TDRP: variants seen among roughly 807,000 people sequenced by gnomAD.
The protein encoded by TDRP is testis development-related protein.
Under a neutral mutation model 10.5 loss-of-function variants are expected in TDRP, and 12 were observed. The observed-to-expected ratio is 1.15, with a 90% CI of 0.73 to 1.86. The LOEUF (loss-of-function observed/expected upper bound fraction) is 1.86. Among genes scored for constraint, TDRP ranks in the 40% most tolerant of loss-of-function variants. The pLI is 0.00. For missense variants in TDRP, 353 were observed against 229.2 expected (o/e 1.54, Z -3.49); for synonymous variants, 139 against 95.4 (o/e 1.46, Z -2.67).
At chr8:526,530 T>C (rs1802039849) in intron 1 of TDRP, among the ~76,000 whole-genome samples, 1 of 152,200 alleles carries the variant, frequency 6.6e-6, no homozygotes, top group Non-Finnish European at 1.5e-5. Flanking sequence ...GATTTGCATA[T>C]ACTGAACCAT....
chr8:543,210 G>A (rs563637345), intron 1 of TDRP, among the ~76,000 whole-genome samples: 1 of 152,226 alleles, frequency 6.6e-6, no homozygotes, highest in Admixed American at 6.5e-5. Context: ...TACTACAGAG[G>A]CTGAGAGAGG....
At chr8:501,928 C>A (rs1801314600) in intron 1 of TDRP, among the ~76,000 whole-genome samples, 1 of 152,198 alleles carries the variant, frequency 6.6e-6, no homozygotes, top group Non-Finnish European at 1.5e-5. Flanking sequence ...CCAAAGCCCA[C>A]CCCCAGAACA....
chr8:531,968 C>T (rs754144008), intron 1 of TDRP, among the ~76,000 whole-genome samples: 1 of 152,142 alleles, frequency 6.6e-6, no homozygotes, highest in Non-Finnish European at 1.5e-5. Flanking sequence ...AATAAAATCT[C>T]CTGACTGTGA....
chr8:527,400 T>C (rs112356304), intron 1 of TDRP, among the ~76,000 whole-genome samples: 9 of 150,850 alleles, frequency 6.0e-5, no homozygotes, highest in African/African-American at 2.0e-4. Flanking sequence ...TTCACAGAAA[T>C]GGAAAAAAAA....
At chr8:493,902 A>C (rs1182848949) in intron 2 of TDRP, among the ~76,000 whole-genome samples, 1 of 151,430 alleles carries the variant, frequency 6.6e-6, no homozygotes, top group East Asian at 1.9e-4. Flanking sequence ...CTTTTCCATA[A>C]CCTTTCAAAA....
chr8:543,957 T>G, intron 1 of TDRP, among the ~76,000 whole-genome samples: 1 of 149,306 alleles, frequency 6.7e-6, no homozygotes, highest in African/African-American at 2.5e-5. Flanking sequence ...GGAGGGCACG[T>G]CTAAGGCACA....
At chr8:512,288 C>G (rs2116788124) in intron 1 of TDRP, among the ~76,000 whole-genome samples, 1 of 151,702 alleles carries the variant, frequency 6.6e-6, no homozygotes, top group South Asian at 2.1e-4. Context: ...AAAAAAATGA[C>G]TGGGCATGGT....
In TDRP at chr8:505,782, G is replaced by A. The variant is rs577427157; in HGVS notation, c.109-11185C>T. 7.9e-5 allele frequency among the ~76,000 whole-genome samples: 12 copies of A among 152,252 alleles called. No homozygotes were observed. In the South Asian group the frequency reaches 1.0e-3, roughly 13 times the overall value. On this transcript the variant is annotated intron_variant, in intron 1 of 2. Coordinates refer to ENST00000324079, the MANE Select transcript of TDRP (RefSeq NM_001384899.1). ...GTGAGCTGCTGTGTAAACACCCTCCGATGAACATGAAAAACTCTCAAACTG... is the reference window on the plus strand; with the variant it reads ...GTGAGCTGCTGTGTAAACACCCTCCAATGAACATGAAAAACTCTCAAACTG...
intron 1 of TDRP, among the ~76,000 whole-genome samples, chr8:504,980 C>A (rs769336429): frequency 6.6e-6 from 1 of 152,316 alleles, no homozygotes; most frequent in East Asian, 1.9e-4. Context: ...TTACTTCCCA[C>A]ACCGTTTTTA....
intron 1 of TDRP, among the ~76,000 whole-genome samples, chr8:496,890 C>T (rs996742075): frequency 1.3e-5 from 2 of 152,182 alleles, no homozygotes; most frequent in Admixed American, 1.3e-4. Context: ...TCTATCCTGC[C>T]GCCATGTAAG....
intron 1 of TDRP, among the ~76,000 whole-genome samples, chr8:534,828 G>T (rs1002576584): frequency 1.3e-5 from 2 of 152,138 alleles, no homozygotes; most frequent in Non-Finnish European, 2.9e-5. Context: ...AATATGAACT[G>T]TAACTACTTT....
chr8:516,818 A>G (rs1801768402), intron 1 of TDRP, among the ~76,000 whole-genome samples: 1 of 152,230 alleles, frequency 6.6e-6, no homozygotes, highest in African/African-American at 2.4e-5. Flanking sequence ...ATGGATGTTT[A>G]TGGCAGCTTT....
intron 1 of TDRP, among the ~76,000 whole-genome samples, chr8:544,244 G>T (rs1444291685): frequency 1.3e-5 from 2 of 152,078 alleles, no homozygotes; most frequent in Non-Finnish European, 2.9e-5. Context: ...CCCGGGACGC[G>T]AGCACCCGGC....
At chr8:525,338 G>C (rs986862351) in intron 1 of TDRP, among the ~76,000 whole-genome samples, 1 of 152,102 alleles carries the variant, frequency 6.6e-6, no homozygotes, top group Admixed American at 6.5e-5. Context: ...GAAAGAAAAG[G>C]ATGTTAATTA....
intron 1 of TDRP, among the ~76,000 whole-genome samples, chr8:501,491 CG>C (rs1801298880): frequency 6.6e-6 from 1 of 151,730 alleles, no homozygotes; most frequent in African/African-American, 2.4e-5. Context: ...GAATTACAGG[CG>C]ATGGCCACCA....
chr8:538,452 C>T (rs1802409107), intron 1 of TDRP, among the ~76,000 whole-genome samples: 1 of 152,146 alleles, frequency 6.6e-6, no homozygotes, highest in Non-Finnish European at 1.5e-5. Flanking sequence ...GTGGCACCAA[C>T]CCATATCAAG....
At position 490,071 on chromosome 8, in the gene TDRP, C is replaced by G. The variant is rs928371231; in HGVS notation, c.*2328G>C. ...AGTAGAAGGAGCACAGGACAACTCTCTTCACACAAGGAAGCTGTGTGTTTA... is the reference window on the plus strand; with the variant it reads ...AGTAGAAGGAGCACAGGACAACTCTGTTCACACAAGGAAGCTGTGTGTTTA... On this transcript the variant is annotated 3_prime_UTR_variant, in exon 3 of 3. Transcript: ENST00000324079. 1.3e-5 allele frequency: 2 copies of G among 152,208 alleles called. No homozygotes were observed. Among genetic ancestry groups the G allele is most frequent in the African/African-American group, 4.8e-5 (2 of 41,450 alleles). The allele number at this position is 152,208 out of a possible 1,614,324, so 9.4% of individuals were successfully genotyped here.
intron 1 of TDRP, among the ~76,000 whole-genome samples, chr8:496,437 C>T (rs1801138022): frequency 6.6e-6 from 1 of 152,236 alleles, no homozygotes; most frequent in Non-Finnish European, 1.5e-5. Context: ...TACCACGTCC[C>T]TCACTCTGAG....
At chr8:498,525 A>G (rs1801196991) in intron 1 of TDRP, among the ~76,000 whole-genome samples, 1 of 152,174 alleles carries the variant, frequency 6.6e-6, no homozygotes. Flanking sequence ...TTACAGGCTT[A>G]TAGGCAGAAG....
Sources: allele counts gnomAD v4.1 joint callset (sites outside exome capture counted in the v4.1 genomes callset), GRCh38; gene constraint gnomAD v4.1.1; transcripts MANE v1.5; gene names NCBI Gene and HGNC (gene_info 2026-07-23, HGNC 2026-07-21).